The following AXL variants were observed in gnomAD, a reference collection of about 807,000 sequenced individuals.
AXL encodes tyrosine-protein kinase receptor UFO.
In AXL, 52 loss-of-function variants were observed where a neutral mutation model predicts 104.5. The observed-to-expected ratio is 0.50, with a 90% confidence interval of 0.40 to 0.63. The LOEUF is 0.63. AXL is among the 20% of genes least tolerant of loss of function. AXL has a pLI of 0.00. For missense variants in AXL, 1,024 were observed against 1,188.5 expected (o/e 0.86, Z 2.04); for synonymous variants, 455 against 473.7 (o/e 0.96, Z 0.51).
intron 17 of AXL, among the ~76,000 whole-genome samples, chr19:41,256,080 G>GGTGTGTGTGT (rs71177704): frequency 0.08 from 12,065 of 150,548 alleles, 591 homozygotes; most frequent in Non-Finnish European, 0.11. Flanking sequence ...TGGTTACATG[G>GGTGTGTGTGT]GTGTGTGTGT....
At chr19:41,245,326 A>T (rs2034253616) in intron 12 of AXL, among the ~76,000 whole-genome samples, 1 of 152,204 alleles carries the variant, frequency 6.6e-6, no homozygotes, top group East Asian at 1.9e-4. Flanking sequence ...CTACACCCTT[A>T]TACTTTTGAA....
chr19:41,237,639 A>C (rs2034103433), intron 6 of AXL, among the ~76,000 whole-genome samples: 1 of 152,166 alleles, frequency 6.6e-6, no homozygotes, highest in Non-Finnish European at 1.5e-5. Flanking sequence ...TTAATCTTTA[A>C]ACAATCCTGT....
intron 1 of AXL, among the ~76,000 whole-genome samples, chr19:41,219,800 G>A (rs1360728419): frequency 6.6e-6 from 1 of 151,770 alleles, no homozygotes; most frequent in African/African-American, 2.4e-5. Context: ...CTGAGCTGAG[G>A]GTCGCCAGGA....
rs530115921 is a variant in AXL at position 41,224,901 on chromosome 19, C to T, written c.586+2845C>T. On this transcript the variant is annotated intron_variant, in intron 4 of 19. Transcript: ENST00000301178. ...TGACCTAAGGATGCTTACCAGTCAG[C>T]GTATAGATGTGTCTCTGTGTCAATC... Among the ~76,000 whole-genome samples, 10 of 152,248 alleles carry T rather than the reference C, an allele frequency of 6.6e-5. No homozygotes were observed. In the South Asian group the frequency reaches 1.0e-3, roughly 16 times the overall value.
chr19:41,253,915 C>T (rs2034411007), intron 17 of AXL, among the ~76,000 whole-genome samples: 1 of 151,744 alleles, frequency 6.6e-6, no homozygotes, highest in South Asian at 2.1e-4. Flanking sequence ...CATTTGGATG[C>T]GGAGAGGGAA....
chr19:41,253,812 G>GTTCTGACCTGCCCTCAGC, intron 17 of AXL, 104 bp downstream of exon 17: 1 of 930,486 alleles, frequency 1.1e-6, no homozygotes, highest in Non-Finnish European at 1.7e-6. Flanking sequence ...CACCCGCTGA[G>GTTCTGACCTGCCCTCAGC]GGCAGGTCAG....
intron 6 of AXL, among the ~76,000 whole-genome samples, chr19:41,234,702 TAA>T (rs2034049287): frequency 6.6e-6 from 1 of 152,160 alleles, no homozygotes; most frequent in African/African-American, 2.4e-5. Flanking sequence ...TCAGAGAAGT[TAA>T]GACACTCACT....
intron 4 of AXL, among the ~76,000 whole-genome samples, chr19:41,223,345 C>A (rs1599725103): frequency 6.6e-6 from 1 of 152,104 alleles, no homozygotes; most frequent in Non-Finnish European, 1.5e-5. Context: ...GTTGGAGTGA[C>A]AGAAACCCTC....
intron 4 of AXL, among the ~76,000 whole-genome samples, chr19:41,222,324 C>A (rs879872967): frequency 1.3e-5 from 2 of 152,140 alleles, no homozygotes; most frequent in African/African-American, 4.8e-5. Context: ...CTCTGTCTCT[C>A]TGCTTCTCTC....
At position 41,252,668 on chromosome 19, in the gene AXL, G is replaced by A. The variant is rs1784665551; in HGVS notation, c.1805-178G>A. 1.3e-5 allele frequency among the ~76,000 whole-genome samples: 2 copies of A among 152,168 alleles called. 1 individual carries two copies. Among genetic ancestry groups the A allele is most frequent in the African/African-American group, 4.8e-5 (2 of 41,432 alleles). On this transcript the variant is annotated intron_variant, in intron 15 of 19. Transcript: ENST00000301178. Reference sequence around the variant, plus strand: ...CCAGGAGGGCTCCGGAAACGTCCCTGGGAACTCTGCTGGAAACAGCTTCTC... The same window carrying A: ...CCAGGAGGGCTCCGGAAACGTCCCTAGGAACTCTGCTGGAAACAGCTTCTC...
chr19:41,242,986 C>T lies in AXL; in HGVS notation c.1416C>T (p.Val472=), dbSNP rs200952166. 2 of 1,614,198 alleles carry T rather than the reference C, an allele frequency of 1.2e-6. No individual in the cohort carries two copies. Among genetic ancestry groups the T allele is most frequent in the East Asian group, 2.2e-5 (1 of 44,884 alleles). Residue 472 remains valine (V), a synonymous_variant, in exon 11 of 20, where the codon GTC becomes GTT. Coordinates refer to ENST00000301178, the MANE Select transcript of AXL (RefSeq NM_021913.5). ...TCCTCATCTTGGCTCTCTTCCTTGT[C>T]CACCGGCGAAAGAAGGAGACCCGTT... ...ACVLILALFL[V]HRRKKETRYG...
chr19:41,221,961 G>A lies in AXL; in HGVS notation c.491G>A (p.Gly164Glu), dbSNP rs377308556. ...TPFNLSCQAQ[G>E]PPEPVDLLWL... Reference sequence around the variant, plus strand: ...TTCAACCTGAGCTGCCAAGCTCAGGGACCCCCAGAGCCCGTGGACCTACTC... The same window carrying A: ...TTCAACCTGAGCTGCCAAGCTCAGGAACCCCCAGAGCCCGTGGACCTACTC... Residue 164 changes from glycine (G) to glutamate (E), a missense_variant, in exon 4 of 20, where the codon GGA (glycine) becomes GAA (glutamate). Physicochemically the swap from Gly to Glu is moderately conservative, Grantham distance 98. This residue lies in a region of AXL where 332 missense variants were observed against 343.9 expected (regional missense o/e 0.97). Coordinates refer to ENST00000301178, the MANE Select transcript of AXL (RefSeq NM_021913.5). 1 of 1,612,814 alleles carries A rather than the reference G, an allele frequency of 6.2e-7. No homozygotes were observed. Among genetic ancestry groups the A allele is most frequent in the Non-Finnish European group, 8.5e-7 (1 of 1,179,558 alleles).
At chr19:41,252,733 T>C in intron 15 of AXL, 113 bp from the exon 16 acceptor site, 1 of 1,542,818 alleles carries the variant, frequency 6.5e-7, no homozygotes, top group Non-Finnish European at 8.7e-7. Context: ...CCCCAAACAA[T>C]ATGGTGGCCA....
chr19:41,231,258 G>T lies in AXL; in HGVS notation c.743G>T (p.Gly248Val). 6.2e-7 allele frequency: 1 copy of T among 1,613,776 alleles called. No individual in the cohort carries two copies. The change falls in exon 6 of 20, where the codon GGC (glycine) becomes GTC (valine). Residue 248 changes from glycine to valine, a missense_variant. This residue lies in a region of AXL where 332 missense variants were observed against 343.9 expected (regional missense o/e 0.97). Transcript: ENST00000301178. ...PTELEVAWTPGLSGIYPLTHC... is the reference protein window; with the variant it reads ...PTELEVAWTPVLSGIYPLTHC... ...GAGCTGGAGGTGGCTTGGACTCCAG[G>T]CCTGAGCGGCATCTACCCCCTGACC...
chr19:41,228,937 T>TTTTTC (rs752826132), intron 4 of AXL, among the ~76,000 whole-genome samples: 1 of 145,724 alleles, frequency 6.9e-6, no homozygotes, highest in Non-Finnish European at 1.5e-5. Flanking sequence ...TCTTTCTTTC[T>TTTTTC]TTGTCTTTTC....
At chr19:41,239,837 C>A in intron 10 of AXL, 117 bp downstream of exon 10, 1 of 1,428,574 alleles carries the variant, frequency 7.0e-7, no homozygotes, top group Non-Finnish European at 9.8e-7. Context: ...ATCACTCTAA[C>A]CTACTTCTTG....
intron 2 of AXL, 25 bp downstream of exon 2, chr19:41,220,883 C>T (rs1160334869): frequency 1.2e-6 from 2 of 1,608,606 alleles, no homozygotes; most frequent in South Asian, 1.1e-5. Flanking sequence ...CCCCGAATCC[C>T]ACTCCCACCT....
rs139491068 is a variant in AXL at position 41,237,944 on chromosome 19, G to A, written c.784G>A (p.Ala262Thr). 1,058 of 1,613,776 alleles carry A rather than the reference G, an allele frequency of 6.6e-4. 13 individuals carry two copies. The highest frequency in any genetic ancestry group is 5.0e-3 in the Middle Eastern group (30 of 6,060). The change falls in exon 7 of 20, where the codon GCT (alanine) becomes ACT (threonine). Residue 262 changes from alanine to threonine, a missense_variant and splice_region_variant. Physicochemically the swap from Ala to Thr is moderately conservative, Grantham distance 58. Coordinates refer to ENST00000301178, the MANE Select transcript of AXL (RefSeq NM_021913.5). ...IYPLTHCTLQ[A>T]VLSDDGMGIQ... ...TCCTCACACCCTTGCCTCTCCTCAG[G>A]CTGTGCTGTCAGACGATGGGATGGG...
Position 41,259,750 on chromosome 19 carries a change from C to A in AXL, c.2531C>A (p.Thr844Asn). 1.9e-6 allele frequency: 3 copies of A among 1,614,098 alleles called. No individual in the cohort carries two copies. The highest frequency in any genetic ancestry group is 1.1e-5 in the South Asian group (1 of 91,080). ...GCTGCAGGAGGAGCTGACCCCCCAA[C>A]CCAGCCAGACCCTAAGGATTCCTGT... ...PGAAGGADPPTQPDPKDSCSC... is the reference protein window; with the variant it reads ...PGAAGGADPPNQPDPKDSCSC... The change falls in exon 20 of 20, where the codon ACC becomes AAC. Residue 844 changes from threonine (T) to asparagine (N), a missense_variant. Coordinates refer to ENST00000301178, the MANE Select transcript of AXL (RefSeq NM_021913.5).
Sources: allele counts gnomAD v4.1 joint callset (sites outside exome capture counted in the v4.1 genomes callset), GRCh38; gene constraint gnomAD v4.1.1; regional missense constraint gnomAD v4.1.1; transcripts MANE v1.5; gene names NCBI Gene and HGNC (gene_info 2026-07-23, HGNC 2026-07-21).